The following SGPL1 variants were observed in gnomAD, a reference collection of about 807,000 sequenced individuals.
SGPL1 encodes SP-lyase 1.
SGPL1 carries 37 observed loss-of-function variants against 68.9 expected under a neutral mutation model. The ratio of observed to expected loss-of-function variants is 0.54; its 90% CI spans 0.41 to 0.71. The LOEUF (loss-of-function observed/expected upper bound fraction) is 0.71, where lower values mean the gene tolerates loss of function less well. Ranked by LOEUF, SGPL1 falls within the 30% of genes least tolerant of loss-of-function variation. The pLI is 0.00. For missense variants in SGPL1, 551 were observed against 704.6 expected, an observed-to-expected ratio of 0.78 and a Z score of 2.47; for synonymous variants, 236 against 248.5, an observed-to-expected ratio of 0.95 and a Z score of 0.47.
intron 2 of SGPL1, among the ~76,000 whole-genome samples, chr10:70,839,491 C>T (rs1845683405): frequency 6.6e-6 from 1 of 152,064 alleles, no homozygotes; most frequent in South Asian, 2.1e-4. Context: ...CCCAGGCACA[C>T]ACATATACAG....
At chr10:70,867,382 G>A (rs558552349) in intron 7 of SGPL1, among the ~76,000 whole-genome samples, 1 of 152,144 alleles carries the variant, frequency 6.6e-6, no homozygotes, top group Non-Finnish European at 1.5e-5. Flanking sequence ...GGCCAACATG[G>A]TGAAACCCCG....
chr10:70,864,605 T>C (rs1846145414), intron 7 of SGPL1, among the ~76,000 whole-genome samples: 1 of 152,230 alleles, frequency 6.6e-6, no homozygotes, highest in Non-Finnish European at 1.5e-5. Context: ...TATGATATTT[T>C]CCTATAGTGA....
intron 3 of SGPL1, among the ~76,000 whole-genome samples, chr10:70,848,877 G>A (rs568053124): frequency 6.6e-6 from 1 of 152,172 alleles, no homozygotes; most frequent in East Asian, 1.9e-4. Context: ...TATTGCTTCC[G>A]TCTAACTGGA....
chr10:70,836,593 TAG>T (rs1485849221), intron 2 of SGPL1, among the ~76,000 whole-genome samples: 6 of 152,036 alleles, frequency 3.9e-5, no homozygotes, highest in African/African-American at 9.7e-5. Context: ...TTTCCTGAGA[TAG>T]AGTCTCACTC....
intron 5 of SGPL1, 112 bp from the exon 6 acceptor site, chr10:70,857,502 C>T: frequency 1.3e-6 from 1 of 797,018 alleles, no homozygotes; most frequent in South Asian, 1.5e-5. Context: ...GGTTTCCACT[C>T]AACATTTTTT....
chr10:70,858,358 C>T (rs1483219228), intron 6 of SGPL1, among the ~76,000 whole-genome samples: 1 of 152,026 alleles, frequency 6.6e-6, no homozygotes, highest in Admixed American at 6.6e-5. Flanking sequence ...GGTTGGTCTT[C>T]AACTCCCAGC....
intron 12 of SGPL1, among the ~76,000 whole-genome samples, chr10:70,874,126 A>G (rs1423538824): frequency 6.6e-6 from 1 of 152,246 alleles, no homozygotes; most frequent in Non-Finnish European, 1.5e-5. Flanking sequence ...AAGGAGGGCA[A>G]TGAAATCTTG....
chr10:70,856,479 G>A (rs796418864), intron 5 of SGPL1, among the ~76,000 whole-genome samples: 107 of 152,288 alleles, frequency 7.0e-4, no homozygotes, highest in African/African-American at 2.4e-3. Flanking sequence ...TCTCTTTAAT[G>A]TTTAAGTCAC....
intron 6 of SGPL1, among the ~76,000 whole-genome samples, chr10:70,859,140 C>T (rs1022613165): frequency 6.6e-6 from 1 of 152,176 alleles, no homozygotes; most frequent in Admixed American, 6.5e-5. Flanking sequence ...GTGTTATAGT[C>T]TGCGCTTTTA....
intron 5 of SGPL1, 83 bp from the exon 6 acceptor site, chr10:70,857,531 G>T: frequency 8.9e-7 from 1 of 1,120,586 alleles, no homozygotes; most frequent in South Asian, 1.3e-5. Flanking sequence ...ATCCAGAGGA[G>T]TTTCTTCCTG....
Position 70,873,513 on chromosome 10 carries a change from T to C in SGPL1, c.1222T>C (p.Leu408=). 1 of 1,614,264 alleles carries C rather than the reference T, an allele frequency of 6.2e-7. No homozygotes were observed. The highest frequency in any genetic ancestry group is 8.5e-7 in the Non-Finnish European group (1 of 1,180,034). Residue 408 remains leucine (L), a synonymous_variant, in exon 12 of 15, where the codon TTG becomes CTG. Coordinates refer to ENST00000373202, the MANE Select transcript of SGPL1 (RefSeq NM_003901.4). The part of the protein sequence containing the change: ...GGISAACWAA[L]MHFGENGYVE... ...CATTAGCGCAGCCTGTTGGGCTGCC[T>C]TGATGCACTTCGGTGAGAACGGCTA...
At chr10:70,875,699 G>T in intron 13 of SGPL1, 151 bp downstream of exon 13, 1 of 566,346 alleles carries the variant, frequency 1.8e-6, no homozygotes, top group Non-Finnish European at 3.1e-6. Flanking sequence ...CTTGCCACCT[G>T]GAATTATTAG....
intron 7 of SGPL1, among the ~76,000 whole-genome samples, chr10:70,862,612 A>G (rs1382209624): frequency 6.6e-6 from 1 of 152,104 alleles, no homozygotes; most frequent in African/African-American, 2.4e-5. Context: ...GACACTCACC[A>G]CGAAGGTCTG....
At chr10:70,868,980 C>T (rs1318463391) in intron 8 of SGPL1, among the ~76,000 whole-genome samples, 1 of 152,166 alleles carries the variant, frequency 6.6e-6, no homozygotes, top group African/African-American at 2.4e-5. Context: ...AGACTGTCCC[C>T]TTGTACAGTA....
chr10:70,848,454 CTTTTT>C, intron 3 of SGPL1, among the ~76,000 whole-genome samples: 1 of 70,684 alleles, frequency 1.4e-5, no homozygotes, highest in Middle Eastern at 0.01. Flanking sequence ...ACCTCACGTA[CTTTTT>C]TTTTTTTTTT....
chr10:70,862,993 A>G (rs188426109), intron 7 of SGPL1, among the ~76,000 whole-genome samples: 1 of 152,116 alleles, frequency 6.6e-6, no homozygotes, highest in Non-Finnish European at 1.5e-5. Flanking sequence ...TTATTTTATT[A>G]TTATTTTTTG....
chr10:70,845,508 A>C (rs1029791348), intron 3 of SGPL1, among the ~76,000 whole-genome samples: 3 of 152,096 alleles, frequency 2.0e-5, no homozygotes, highest in African/African-American at 7.2e-5. Flanking sequence ...ACTCAGTGCC[A>C]GATCAACATG....
At chr10:70,838,922 A>T (rs1845672748) in intron 2 of SGPL1, among the ~76,000 whole-genome samples, 1 of 152,240 alleles carries the variant, frequency 6.6e-6, no homozygotes, top group Non-Finnish European at 1.5e-5. Context: ...ACTCTAATAC[A>T]CATATTGAAA....
At chr10:70,876,244 C>T (rs570858330) in intron 13 of SGPL1, among the ~76,000 whole-genome samples, 3 of 152,150 alleles carry the variant, frequency 2.0e-5, no homozygotes, top group South Asian at 2.1e-4. Flanking sequence ...TTGATGGTGA[C>T]GTGGTTGAAG....
Sources: gnomAD v4.1 joint callset for allele counts (sites outside exome capture counted in the v4.1 genomes callset) on GRCh38, gnomAD v4.1.1 for gene constraint, MANE v1.5 for transcripts, NCBI Gene and HGNC (gene_info 2026-07-23, HGNC 2026-07-21) for gene names.